Variants in TTC9 observed in about 807,000 individuals in gnomAD.
The protein encoded by TTC9 is tetratricopeptide repeat protein 9A.
TTC9 carries 13 observed loss-of-function variants against 22.9 expected under a neutral mutation model. The observed-to-expected ratio is 0.57, with a 90% CI of 0.37 to 0.90. The LOEUF (loss-of-function observed/expected upper bound fraction) is 0.90. TTC9 is among the 40% of genes least tolerant of loss of function. The pLI is 0.01. For missense variants in TTC9, 280 were observed against 291.8 expected, an observed-to-expected ratio of 0.96 and a Z score of 0.29; for synonymous variants, 148 against 133.2, an observed-to-expected ratio of 1.11 and a Z score of -0.77.
chr14:70,646,421 G>A (rs1241071110), intron 1 of TTC9, among the ~76,000 whole-genome samples: 2 of 152,208 alleles, frequency 1.3e-5, no homozygotes, highest in African/African-American at 2.4e-5. Flanking sequence ...GGAATGTTCA[G>A]TGTAGAACCC....
chr14:70,660,630 G>A (rs1327047849), intron 1 of TTC9, among the ~76,000 whole-genome samples: 2 of 152,070 alleles, frequency 1.3e-5, no homozygotes, highest in South Asian at 2.1e-4. Flanking sequence ...ACTCGCCCTC[G>A]GGCCTGTGCT....
At chr14:70,651,688 C>G (rs114039247) in intron 1 of TTC9, among the ~76,000 whole-genome samples, 1,599 of 152,228 alleles carry the variant, frequency 0.011, 29 homozygotes, top group African/African-American at 0.036. Flanking sequence ...TTTGAATCTT[C>G]TGGTGAGGCA....
chr14:70,663,203 A>G (rs561313953), intron 1 of TTC9, among the ~76,000 whole-genome samples: 1 of 152,228 alleles, frequency 6.6e-6, no homozygotes, highest in Non-Finnish European at 1.5e-5. Flanking sequence ...TCTCTGCTCC[A>G]ACCTGGCATG....
intron 1 of TTC9, among the ~76,000 whole-genome samples, chr14:70,665,105 T>C (rs928552355): frequency 6.6e-6 from 1 of 152,172 alleles, no homozygotes; most frequent in Non-Finnish European, 1.5e-5. Context: ...TTTTATTTTA[T>C]TTTTATTTTT....
chr14:70,649,040 T>C (rs1046989366), intron 1 of TTC9, among the ~76,000 whole-genome samples: 1 of 152,192 alleles, frequency 6.6e-6, no homozygotes, highest in Non-Finnish European at 1.5e-5. Context: ...ATTTTGGATT[T>C]GGATATGACC....
At chr14:70,664,175 A>G (rs887020321) in intron 1 of TTC9, among the ~76,000 whole-genome samples, 1 of 152,036 alleles carries the variant, frequency 6.6e-6, no homozygotes, top group Non-Finnish European at 1.5e-5. Flanking sequence ...CCTGAGGTCC[A>G]CTGCAACCCC....
intron 1 of TTC9, among the ~76,000 whole-genome samples, chr14:70,657,268 C>A (rs1165586412): frequency 1.3e-5 from 2 of 152,174 alleles, no homozygotes; most frequent in Admixed American, 6.5e-5. Flanking sequence ...ATGAGTGAAT[C>A]CTTATTGACT....
chr14:70,646,871 G>C (rs1326552107), intron 1 of TTC9, among the ~76,000 whole-genome samples: 1 of 152,170 alleles, frequency 6.6e-6, no homozygotes, highest in Non-Finnish European at 1.5e-5. Flanking sequence ...AGTGCTTGTG[G>C]ACACGTCTTA....
At chr14:70,643,216 C>G (rs574565510) in intron 1 of TTC9, among the ~76,000 whole-genome samples, 2 of 152,250 alleles carry the variant, frequency 1.3e-5, no homozygotes, top group African/African-American at 4.8e-5. Context: ...CCTCCCTGCC[C>G]GTTTCTCACT....
rs574840424 is a variant in TTC9 at position 70,660,120 on chromosome 14, C to T, written c.407-7444C>T. On this transcript the variant is annotated intron_variant, in intron 1 of 2. Coordinates refer to ENST00000256367, the MANE Select transcript of TTC9 (RefSeq NM_015351.2). ...GCCATATTCTCTTGAGTGCATCATG[C>T]AGCACCTCATCCTTCTGCTCCTTTT... Among the ~76,000 whole-genome samples, 9 of 152,346 alleles carry T rather than the reference C, an allele frequency of 5.9e-5. No individual in the cohort carries two copies. In the South Asian group the frequency reaches 1.9e-3, roughly 32 times the overall value.
intron 2 of TTC9, among the ~76,000 whole-genome samples, chr14:70,668,569 C>T (rs146601765): frequency 2.4e-4 from 37 of 152,154 alleles, no homozygotes; most frequent in African/African-American, 8.2e-4. Flanking sequence ...TAAATGGGGG[C>T]GCTGGGCGTG....
In TTC9 at chr14:70,667,552, C is replaced by T. The variant is rs115254452; in HGVS notation, c.407-12C>T. The T allele has an allele frequency of 6.2e-7, 1 of 1,613,742 alleles. No individual in the cohort carries two copies. The highest frequency in any genetic ancestry group is 8.5e-7 in the Non-Finnish European group (1 of 1,179,868). On this transcript the variant is annotated splice_polypyrimidine_tract_variant and intron_variant, in intron 1 of 2. Coordinates refer to ENST00000256367, the MANE Select transcript of TTC9 (RefSeq NM_015351.2). ...GTTGTGCTGATGGCATTTTCCCTCC[C>T]TTCCTCCATAGCCTGCCTGCTCCAG... is the stretch of plus-strand genomic sequence containing the variant.
At chr14:70,653,300 G>A (rs934792509) in intron 1 of TTC9, among the ~76,000 whole-genome samples, 2 of 152,138 alleles carry the variant, frequency 1.3e-5, no homozygotes, top group Non-Finnish European at 2.9e-5. Context: ...GGGGAAACAC[G>A]GGAAGCAAGT....
chr14:70,642,047 G>A lies in TTC9; in HGVS notation c.-83G>A, dbSNP rs1885818009. On this transcript the variant is annotated 5_prime_UTR_variant, in exon 1 of 3. Transcript: ENST00000256367. Reference sequence around the variant, plus strand: ...TGCGAGGCGCGGGGCCGGCGCCCGCGGCTTTTAAACCCGGGAAGGCGCGGC... The same window carrying A: ...TGCGAGGCGCGGGGCCGGCGCCCGCAGCTTTTAAACCCGGGAAGGCGCGGC... The A allele has an allele frequency of 9.4e-6, 9 of 960,400 alleles. No homozygotes were observed. Among genetic ancestry groups the A allele is most frequent in the Non-Finnish European group, 1.1e-5 (9 of 801,986 alleles). 59.5% of individuals were successfully genotyped at this position (960,400 alleles called of 1,614,324 possible).
intron 2 of TTC9, among the ~76,000 whole-genome samples, chr14:70,669,292 T>C (rs1195946666): frequency 6.6e-6 from 1 of 151,578 alleles, no homozygotes; most frequent in African/African-American, 2.4e-5. Flanking sequence ...ATAATTTTTC[T>C]TTTTTCAGAC....
At chr14:70,663,277 G>C (rs1005405482) in intron 1 of TTC9, among the ~76,000 whole-genome samples, 7 of 152,116 alleles carry the variant, frequency 4.6e-5, no homozygotes, top group African/African-American at 1.4e-4. Context: ...TCTTGGCTCT[G>C]CCTTGAAAAG....
chr14:70,671,237 C>A lies in TTC9; in HGVS notation c.*82C>A. ...CTGGCAGAGAGCCCCGTCCTGGATT[C>A]TGTCCCTTTCTCCCCACTTCTTCTG... On this transcript the variant is annotated 3_prime_UTR_variant, in exon 3 of 3. Transcript: ENST00000256367. The A allele has an allele frequency of 8.5e-7, 1 of 1,173,530 alleles. No homozygotes were observed. Among genetic ancestry groups the A allele is most frequent in the Non-Finnish European group, 1.2e-6 (1 of 809,434 alleles). 72.7% of individuals were successfully genotyped at this position (1,173,530 alleles called of 1,614,324 possible). A position where few individuals can be genotyped will look rare whatever the true frequency, so the allele number is the denominator to read the frequency against.
chr14:70,657,170 TAATTAA>T (rs2139645396), intron 1 of TTC9, among the ~76,000 whole-genome samples: 2 of 152,304 alleles, frequency 1.3e-5, no homozygotes, highest in South Asian at 4.1e-4. Context: ...CAACAGAGGG[TAATTAA>T]AAAGAATATA....
intron 1 of TTC9, among the ~76,000 whole-genome samples, chr14:70,665,518 A>C (rs17108348): frequency 0.092 from 13,951 of 152,128 alleles, 2,157 homozygotes; most frequent in African/African-American, 0.32. Context: ...GCACCAGAAG[A>C]TTGTAGTCCT....
Sources: gnomAD v4.1 joint callset for allele counts (sites outside exome capture counted in the v4.1 genomes callset) on GRCh38, gnomAD v4.1.1 for gene constraint, MANE v1.5 for transcripts, NCBI Gene and HGNC (gene_info 2026-07-23, HGNC 2026-07-21) for gene names.